Variants in C10orf90 observed in about 807,000 individuals in gnomAD.
C10orf90 encodes the protein chromosome 10 open reading frame 90.
In C10orf90, 56 loss-of-function variants were observed where a neutral mutation model predicts 62.5. The observed-to-expected ratio is 0.90, with a 90% confidence interval of 0.72 to 1.12. The LOEUF (loss-of-function observed/expected upper bound fraction) is 1.12, where lower values mean the gene tolerates loss of function less well. Among genes scored for constraint, C10orf90 ranks in the 50% most tolerant of loss-of-function variants. The probability of loss-of-function intolerance (pLI) is 0.00; values close to 1 mark genes in which losing one functional copy is unlikely to be tolerated. For missense variants in C10orf90, 970 were observed against 880.4 expected, an observed-to-expected ratio of 1.10 and a Z score of -1.29; for synonymous variants, 386 against 340.4, an observed-to-expected ratio of 1.13 and a Z score of -1.47.
intron 2 of C10orf90, among the ~76,000 whole-genome samples, chr10:126,632,295 G>A (rs1434909868): frequency 1.3e-5 from 2 of 151,916 alleles, no homozygotes; most frequent in Non-Finnish European, 2.9e-5. Flanking sequence ...TGGGCCTCAG[G>A]CTCCCAAGCT....
chr10:126,573,393 G>A (rs1182798539), intron 2 of C10orf90, among the ~76,000 whole-genome samples: 1 of 152,178 alleles, frequency 6.6e-6, no homozygotes, highest in Non-Finnish European at 1.5e-5. Flanking sequence ...TCTGCCTGTG[G>A]GTTTCATTTC....
intron 7 of C10orf90, among the ~76,000 whole-genome samples, chr10:126,452,892 G>A (rs1564801945): frequency 6.6e-6 from 1 of 152,126 alleles, no homozygotes; most frequent in African/African-American, 2.4e-5. Context: ...AGGAGAACTA[G>A]CCCCAAATAT....
chr10:126,637,899 G>A (rs1439950303), intron 2 of C10orf90, among the ~76,000 whole-genome samples: 1 of 152,332 alleles, frequency 6.6e-6, no homozygotes, highest in East Asian at 1.9e-4. Context: ...AGATGAGAAT[G>A]AGGAAGGTAC....
intron 2 of C10orf90, among the ~76,000 whole-genome samples, chr10:126,604,278 C>T (rs1248910538): frequency 1.3e-5 from 2 of 152,154 alleles, no homozygotes; most frequent in African/African-American, 2.4e-5. Flanking sequence ...GGGAAACCAG[C>T]ATCACCTGGG....
intron 2 of C10orf90, among the ~76,000 whole-genome samples, chr10:126,561,160 G>C (rs1171997542): frequency 3.3e-5 from 5 of 152,120 alleles, no homozygotes; most frequent in African/African-American, 9.7e-5. Context: ...GCAGCCAAAG[G>C]TACCATAACA....
At chr10:126,570,137 C>T (rs997457344) in intron 2 of C10orf90, among the ~76,000 whole-genome samples, 3 of 152,210 alleles carry the variant, frequency 2.0e-5, no homozygotes, top group South Asian at 2.1e-4. Context: ...TATTCTCCCA[C>T]GTAATTGCAG....
chr10:126,617,787 A>G (rs1845570769), intron 2 of C10orf90, among the ~76,000 whole-genome samples: 1 of 152,228 alleles, frequency 6.6e-6, no homozygotes, highest in African/African-American at 2.4e-5. Flanking sequence ...TTATCTCTAC[A>G]GTAAAAAAAG....
intron 2 of C10orf90, among the ~76,000 whole-genome samples, chr10:126,616,798 G>A (rs1198799560): frequency 6.6e-6 from 1 of 152,136 alleles, no homozygotes; most frequent in Non-Finnish European, 1.5e-5. Context: ...CTCTTTGCTT[G>A]TCTCCTCCTA....
At chr10:126,667,513 G>T (rs116433652) in intron 1 of C10orf90, among the ~76,000 whole-genome samples, 1 of 152,154 alleles carries the variant, frequency 6.6e-6, no homozygotes, top group African/African-American at 2.4e-5. Context: ...AGAAACTGTC[G>T]CCTGTCAGAG....
intron 2 of C10orf90, among the ~76,000 whole-genome samples, chr10:126,570,648 T>A (rs1350392366): frequency 6.6e-6 from 1 of 152,212 alleles, no homozygotes; most frequent in Admixed American, 6.5e-5. Context: ...TCAAAGCAAC[T>A]ATTTCTTAGC....
chr10:126,565,661 T>C (rs1234377485), intron 2 of C10orf90, among the ~76,000 whole-genome samples: 1 of 151,616 alleles, frequency 6.6e-6, no homozygotes, highest in Non-Finnish European at 1.5e-5. Flanking sequence ...TCCTTGTTGT[T>C]TGAACAAATT....
intron 4 of C10orf90, among the ~76,000 whole-genome samples, chr10:126,466,810 C>T (rs1860314971): frequency 6.6e-6 from 1 of 152,246 alleles, no homozygotes; most frequent in African/African-American, 2.4e-5. Flanking sequence ...AAACTGTTAT[C>T]AGCCTTTGTC....
intron 4 of C10orf90, among the ~76,000 whole-genome samples, chr10:126,486,305 C>T (rs1011084942): frequency 1.3e-5 from 2 of 152,146 alleles, no homozygotes; most frequent in African/African-American, 4.8e-5. Context: ...GTAAGCCCAG[C>T]TGAGAGAAGC....
At chr10:126,591,154 C>A (rs747880407) in intron 2 of C10orf90, among the ~76,000 whole-genome samples, 122 of 152,130 alleles carry the variant, frequency 8.0e-4, no homozygotes, top group Non-Finnish European at 1.6e-3. Flanking sequence ...TGAAACTATT[C>A]CAATCAATTA....
chr10:126,634,013 C>A (rs983381223), intron 2 of C10orf90, among the ~76,000 whole-genome samples: 2 of 152,284 alleles, frequency 1.3e-5, no homozygotes, highest in African/African-American at 2.4e-5. Context: ...GAATTGGAAC[C>A]TTTGCACACT....
chr10:126,524,889 TG>T (rs1325861621), intron 2 of C10orf90: 1 of 926,874 alleles, frequency 1.1e-6, no homozygotes, highest in Admixed American at 6.2e-5. Flanking sequence ...TCCATCACTA[TG>T]TACTCCCTCC....
chr10:126,578,856 T>C (rs1023969951), intron 2 of C10orf90, among the ~76,000 whole-genome samples: 12 of 152,268 alleles, frequency 7.9e-5, no homozygotes, highest in South Asian at 2.1e-4. Flanking sequence ...ATGATTCCAT[T>C]GACACAAAAT....
At chr10:126,454,052 A>G (rs1156515959) in intron 7 of C10orf90, among the ~76,000 whole-genome samples, 1 of 152,008 alleles carries the variant, frequency 6.6e-6, no homozygotes, top group Non-Finnish European at 1.5e-5. Context: ...AGGTTCGAGG[A>G]GCTGCAGTGG....
chr10:126,628,629 T>C (rs1399599738), intron 2 of C10orf90, among the ~76,000 whole-genome samples: 1 of 152,244 alleles, frequency 6.6e-6, no homozygotes, highest in African/African-American at 2.4e-5. Flanking sequence ...CTATTGGCTC[T>C]GCCTCTCAGC....
Sources: gnomAD v4.1 joint callset for allele counts (sites outside exome capture counted in the v4.1 genomes callset) on GRCh38, gnomAD v4.1.1 for gene constraint, MANE v1.5 for transcripts, NCBI Gene and HGNC (gene_info 2026-07-23, HGNC 2026-07-21) for gene names.